The following DSCAML1 variants were observed in gnomAD, a reference collection of about 807,000 sequenced individuals.
The protein encoded by DSCAML1 is DS cell adhesion molecule like 1.
A neutral mutation model predicts 200.5 loss-of-function variants in DSCAML1; 38 were observed. The observed-to-expected ratio is 0.19, with a 90% CI of 0.15 to 0.25. The LOEUF (loss-of-function observed/expected upper bound fraction) is 0.25. Ranked by LOEUF, DSCAML1 falls within the 10% of genes least tolerant of loss-of-function variation. The pLI is 1.00. For synonymous variants in DSCAML1, 1,215 were observed against 1,165.0 expected (o/e 1.04, Z -0.87); for missense variants, 2,223 against 2,858.8 (o/e 0.78, Z 5.07).
At chr11:117,686,621 T>A (rs941142739) in intron 3 of DSCAML1, among the ~76,000 whole-genome samples, 1 of 152,168 alleles carries the variant, frequency 6.6e-6, no homozygotes, top group Admixed American at 6.5e-5. Flanking sequence ...CATACTCAGG[T>A]GTAAATGACT....
At chr11:117,519,364 G>T (rs981199163) in intron 6 of DSCAML1, among the ~76,000 whole-genome samples, 3 of 152,184 alleles carry the variant, frequency 2.0e-5, no homozygotes, top group African/African-American at 4.8e-5. Context: ...TGGCAGTGAG[G>T]AGTCTTGGCC....
rs1195279139 is a variant in DSCAML1 at position 117,505,804 on chromosome 11, G to A, written c.1784-72C>T. On this transcript the variant is annotated intron_variant, in intron 8 of 32. Coordinates refer to ENST00000651296, the MANE Select transcript of DSCAML1 (RefSeq NM_020693.4). The surrounding 1 kb of genome is among the most constrained non-coding windows in gnomAD (Gnocchi z 6.7). Reference sequence around the variant, plus strand: ...CCTGGCCGCCAACGCCGCCTCACCTGCCTTACCTGGGGCTCTGGGTTGGGC... The same window carrying A: ...CCTGGCCGCCAACGCCGCCTCACCTACCTTACCTGGGGCTCTGGGTTGGGC... 1 of 1,525,790 alleles carries A rather than the reference G, an allele frequency of 6.6e-7. No individual in the cohort carries two copies. Among genetic ancestry groups the A allele is most frequent in the South Asian group, 1.3e-5 (1 of 79,074 alleles). The allele number at this position is 1,525,790 out of a possible 1,614,324, so 94.5% of individuals were successfully genotyped here.
chr11:117,672,863 G>A (rs17121072), intron 3 of DSCAML1, among the ~76,000 whole-genome samples: 3,269 of 152,286 alleles, frequency 0.021, 48 homozygotes, highest in South Asian at 0.06. Context: ...GGAGACAAAT[G>A]CCAATTGATT....
intron 3 of DSCAML1, among the ~76,000 whole-genome samples, chr11:117,691,728 T>C (rs2053497803): frequency 6.6e-6 from 1 of 152,210 alleles, no homozygotes; most frequent in Non-Finnish European, 1.5e-5. Flanking sequence ...CGACACTACA[T>C]GTTCAGAAAA....
At chr11:117,807,002 A>G (rs191555350) in intron 1 of DSCAML1, among the ~76,000 whole-genome samples, 27 of 152,352 alleles carry the variant, frequency 1.8e-4, no homozygotes, top group African/African-American at 6.5e-4. Flanking sequence ...CTCAAGGATG[A>G]GGCCAAATCC....
chr11:117,525,112 G>T, intron 4 of DSCAML1, 29 bp from the exon 5 acceptor site: 1 of 1,507,354 alleles, frequency 6.6e-7, no homozygotes, highest in Admixed American at 2.4e-5. Context: ...CGGCAGCCCT[G>T]GCCAGCCCTG....
At chr11:117,564,759 T>TC (rs2050727000) in intron 3 of DSCAML1, among the ~76,000 whole-genome samples, 17 of 116,534 alleles carry the variant, frequency 1.5e-4, no homozygotes, top group Admixed American at 1.4e-3. Context: ...CTCTCTCTCT[T>TC]TCTTTCTTTC....
intron 20 of DSCAML1, among the ~76,000 whole-genome samples, chr11:117,444,558 AG>A (rs1234258257): frequency 2.6e-5 from 4 of 152,084 alleles, no homozygotes; most frequent in Non-Finnish European, 5.9e-5. Flanking sequence ...TCCAGGGAGG[AG>A]GGGGCGGGAG....
chr11:117,810,335 T>C (rs2055750752), intron 1 of DSCAML1, among the ~76,000 whole-genome samples: 1 of 152,018 alleles, frequency 6.6e-6, no homozygotes, highest in Non-Finnish European at 1.5e-5. Flanking sequence ...AAGTCCCGCT[T>C]TTCTAGGGGG....
chr11:117,554,886 T>C (rs1478577883), intron 3 of DSCAML1, among the ~76,000 whole-genome samples: 3 of 151,570 alleles, frequency 2.0e-5, no homozygotes, highest in African/African-American at 7.3e-5. Context: ...TTGTGGAGGG[T>C]TTTCGTTACA....
chr11:117,626,527 A>C (rs1209858939), intron 3 of DSCAML1, among the ~76,000 whole-genome samples: 1 of 152,096 alleles, frequency 6.6e-6, no homozygotes, highest in African/African-American at 2.4e-5. Context: ...TGTTCGCTTC[A>C]CTGGGGCAGT....
chr11:117,525,904 T>G (rs1218971296), intron 4 of DSCAML1, among the ~76,000 whole-genome samples: 3 of 152,200 alleles, frequency 2.0e-5, no homozygotes, highest in Non-Finnish European at 4.4e-5. Flanking sequence ...GCCTAAACTC[T>G]GGACAGATTC....
chr11:117,481,737 C>A (rs1376013724), intron 12 of DSCAML1, among the ~76,000 whole-genome samples: 5 of 152,032 alleles, frequency 3.3e-5, no homozygotes, highest in Non-Finnish European at 7.4e-5. Context: ...ACTGAAGAAA[C>A]CACATTTGAT....
At chr11:117,522,092 G>A (rs1011747128) in intron 5 of DSCAML1, among the ~76,000 whole-genome samples, 9 of 152,354 alleles carry the variant, frequency 5.9e-5, no homozygotes, top group African/African-American at 1.7e-4. Context: ...GGTCTTTAGA[G>A]CACCAGCAAC....
chr11:117,435,549 A>G, intron 27 of DSCAML1, 95 bp downstream of exon 27: 1 of 1,403,264 alleles, frequency 7.1e-7, no homozygotes, highest in Non-Finnish European at 9.7e-7. Context: ...GGCACTCTGT[A>G]TCATCCAGAT....
At chr11:117,770,808 C>G (rs1009864000) in intron 3 of DSCAML1, among the ~76,000 whole-genome samples, 1 of 152,080 alleles carries the variant, frequency 6.6e-6, no homozygotes, top group South Asian at 2.1e-4. Flanking sequence ...TAGCAGAAAT[C>G]GAGGAAAGAC....
intron 2 of DSCAML1, among the ~76,000 whole-genome samples, chr11:117,777,626 C>A (rs1370136942): frequency 1.3e-5 from 2 of 152,344 alleles, no homozygotes; most frequent in African/African-American, 4.8e-5. Flanking sequence ...ACAGAGCATT[C>A]TTGCTGCTTT....
chr11:117,740,979 G>A (rs899012719), intron 3 of DSCAML1, among the ~76,000 whole-genome samples: 1 of 152,262 alleles, frequency 6.6e-6, no homozygotes, highest in African/African-American at 2.4e-5. Context: ...GCAAGCTGGA[G>A]GGGAGGGATT....
intron 26 of DSCAML1, 134 bp from the exon 27 acceptor site, chr11:117,435,933 C>A: frequency 1.1e-6 from 1 of 939,046 alleles, no homozygotes; most frequent in Non-Finnish European, 1.5e-6. Flanking sequence ...GGCACAGAAC[C>A]CTGGACTTCC....
Sources: gnomAD v4.1 joint callset for allele counts (sites outside exome capture counted in the v4.1 genomes callset) on GRCh38, gnomAD v4.1.1 for gene constraint, Gnocchi (gnomAD v3.1) non-coding constraint, MANE v1.5 for transcripts, NCBI Gene and HGNC (gene_info 2026-07-23, HGNC 2026-07-21) for gene names.